The following AGTPBP1 variants were observed in gnomAD, a reference collection of about 807,000 sequenced individuals.
AGTPBP1 encodes the protein ATP/GTP binding carboxypeptidase 1, also known as cytosolic carboxypeptidase 1.
In AGTPBP1, 70 loss-of-function variants were observed where a neutral mutation model predicts 143.9. The ratio of observed to expected loss-of-function variants is 0.49; its 90% CI spans 0.40 to 0.59. AGTPBP1 has a LOEUF of 0.59. Ranked by LOEUF, AGTPBP1 falls within the 20% of genes least tolerant of loss-of-function variation. The pLI is 0.00. For missense variants in AGTPBP1, 1,229 were observed against 1,464.5 expected (o/e 0.84, Z 2.62); for synonymous variants, 463 against 500.2 (o/e 0.93, Z 0.99).
the AGTPBP1 span, among the ~76,000 whole-genome samples, chr9:85,768,680 A>G: frequency 6.6e-6 from 1 of 152,150 alleles, no homozygotes; most frequent in East Asian, 1.9e-4. Flanking sequence ...CAAACCATCA[A>G]ATTCCATATG....
the AGTPBP1 span, among the ~76,000 whole-genome samples, chr9:85,772,150 A>G: frequency 6.8e-6 from 1 of 146,476 alleles, no homozygotes; most frequent in African/African-American, 2.5e-5. Flanking sequence ...TCATTTTTGT[A>G]TTTTTAGTAG....
chr9:85,673,714 T>A (rs538460275), intron 6 of AGTPBP1, among the ~76,000 whole-genome samples: 47 of 152,310 alleles, frequency 3.1e-4, no homozygotes, highest in Admixed American at 7.8e-4. Flanking sequence ...CAATGTTCAC[T>A]ATTCAGGTAA....
At chr9:85,785,824 C>G in the AGTPBP1 span, 1 of 205,796 alleles carries the variant, frequency 4.9e-6, no homozygotes. Flanking sequence ...CCAAAGCACT[C>G]TTATGTTTCC....
intron 8 of AGTPBP1, among the ~76,000 whole-genome samples, chr9:85,661,422 G>C (rs999846925): frequency 6.6e-6 from 1 of 151,982 alleles, no homozygotes; most frequent in Non-Finnish European, 1.5e-5. Context: ...TGACTTCAAA[G>C]TATTTCCATT....
At chr9:85,762,628 T>C in the AGTPBP1 span, among the ~76,000 whole-genome samples, 1 of 130,650 alleles carries the variant, frequency 7.7e-6, no homozygotes, top group Non-Finnish European at 1.6e-5. Flanking sequence ...TTGTGGGGTG[T>C]GGGGAGGGGG....
the AGTPBP1 span, among the ~76,000 whole-genome samples, chr9:85,796,157 T>TATAC: frequency 1.6e-4 from 24 of 152,070 alleles, no homozygotes; most frequent in African/African-American, 2.9e-4. Flanking sequence ...ATATATCTAT[T>TATAC]ATACATACAT....
chr9:85,730,656 G>A (rs1838817073), intron 1 of AGTPBP1, among the ~76,000 whole-genome samples: 1 of 152,160 alleles, frequency 6.6e-6, no homozygotes, highest in Non-Finnish European at 1.5e-5. Flanking sequence ...CTGTACCATA[G>A]CTTGAACTTG....
At chr9:85,571,783 G>C (rs1827482130) in intron 25 of AGTPBP1, among the ~76,000 whole-genome samples, 1 of 152,078 alleles carries the variant, frequency 6.6e-6, no homozygotes, top group African/African-American at 2.4e-5. Context: ...AACACACACA[G>C]ACTCAGATTG....
chr9:85,637,048 T>TC (rs1564090271), intron 13 of AGTPBP1, among the ~76,000 whole-genome samples: 1 of 151,458 alleles, frequency 6.6e-6, no homozygotes, highest in East Asian at 1.9e-4. Flanking sequence ...AAGTTTTTTT[T>TC]TTTTTTTTTT....
At chr9:85,741,971 A>T, upstream of AGTPBP1, 1 of 1,235,536 alleles carries the variant, frequency 8.1e-7, no homozygotes, top group Non-Finnish European at 1.0e-6. Flanking sequence ...ATCCCGGGCA[A>T]CGTCAGCGCG....
intron 17 of AGTPBP1, among the ~76,000 whole-genome samples, chr9:85,610,931 A>G (rs1047886668): frequency 1.3e-5 from 2 of 152,190 alleles, no homozygotes; most frequent in Non-Finnish European, 2.9e-5. Context: ...TCTAAAGATA[A>G]GTTTAATAAA....
At position 85,642,964 on chromosome 9, in the gene AGTPBP1, T is replaced by C. The variant is rs375036170; in HGVS notation, c.1186-21A>G. 25 of 1,562,484 alleles carry C rather than the reference T, an allele frequency of 1.6e-5. No individual in the cohort carries two copies. The African/African-American group carries it at 2.9e-4, about 18-fold the overall frequency. ...TCATTCTGAAATGATAAAAAGAGTA[T>C]GTTATCAGGTAAAACAAAATTTTTA... On this transcript the variant is annotated intron_variant, in intron 12 of 25. Coordinates refer to ENST00000357081, the MANE Select transcript of AGTPBP1 (RefSeq NM_001330701.2).
chr9:85,697,611 C>G (rs1204607664), intron 2 of AGTPBP1, among the ~76,000 whole-genome samples: 1 of 151,506 alleles, frequency 6.6e-6, no homozygotes, highest in Non-Finnish European at 1.5e-5. Context: ...CACCACCACA[C>G]CCAGCTAACT....
At chr9:85,779,212 GATATAGATATAGATATAGAT>G in the AGTPBP1 span, among the ~76,000 whole-genome samples, 3 of 141,556 alleles carry the variant, frequency 2.1e-5, no homozygotes, top group African/African-American at 8.3e-5. Context: ...TATAGATATA[GATATAGATATAGATATAGAT>G]ATAGATATAG....
intron 1 of AGTPBP1, among the ~76,000 whole-genome samples, chr9:85,734,804 C>A (rs1431131437): frequency 2.0e-5 from 3 of 152,034 alleles, no homozygotes; most frequent in African/African-American, 7.2e-5. Context: ...GAGGCCGAGG[C>A]AAGTGGATCA....
At chr9:85,665,043 A>G (rs1336735999) in intron 8 of AGTPBP1, among the ~76,000 whole-genome samples, 3 of 152,208 alleles carry the variant, frequency 2.0e-5, no homozygotes, top group Non-Finnish European at 4.4e-5. Flanking sequence ...GCTTACTGCT[A>G]AGTACATGCA....
At chr9:85,721,116 G>A (rs568301965) in intron 1 of AGTPBP1, among the ~76,000 whole-genome samples, 3 of 152,312 alleles carry the variant, frequency 2.0e-5, no homozygotes, top group African/African-American at 7.2e-5. Context: ...TAAGTGCAAT[G>A]AGGTGCTGAA....
intron 8 of AGTPBP1, among the ~76,000 whole-genome samples, chr9:85,668,834 T>C (rs1834287608): frequency 6.7e-6 from 1 of 150,248 alleles, no homozygotes; most frequent in Non-Finnish European, 1.5e-5. Context: ...AATTCCACAA[T>C]AAAAAAAAAT....
Position 85,646,421 on chromosome 9 carries a change from A to G in AGTPBP1, c.1088-3T>C, listed in dbSNP as rs1284741635. On this transcript the variant is annotated splice_region_variant and splice_polypyrimidine_tract_variant and intron_variant, in intron 11 of 25. Transcript: ENST00000357081. ...ACTTTCATCTACTACGTCATCCACT[A>G]TGATACAAAATGTGCTATAAGTAGG... 1 of 1,609,800 alleles carries G rather than the reference A, an allele frequency of 6.2e-7. No homozygotes were observed. The highest frequency in any genetic ancestry group is 8.5e-7 in the Non-Finnish European group (1 of 1,177,178).
Sources: gnomAD v4.1 joint callset for allele counts (sites outside exome capture counted in the v4.1 genomes callset) on GRCh38, gnomAD v4.1.1 for gene constraint, MANE v1.5 for transcripts, NCBI Gene and HGNC (gene_info 2026-07-23, HGNC 2026-07-21) for gene names.